The following RBBP7 variants were observed in gnomAD, a reference collection of about 807,000 sequenced individuals.
RBBP7 encodes the protein RB binding protein 7, chromatin remodeling factor.
Under a neutral mutation model 35.2 loss-of-function variants are expected in RBBP7, and 5 were observed. The observed-to-expected ratio is 0.14, with a 90% CI of 0.07 to 0.30. The LOEUF is 0.30. Among genes scored for constraint, RBBP7 ranks in the 10% least tolerant of loss-of-function variants. RBBP7 has a pLI of 1.00. For missense variants in RBBP7, 155 were observed against 327.5 expected, an observed-to-expected ratio of 0.47 and a Z score of 4.07; for synonymous variants, 140 against 118.7, an observed-to-expected ratio of 1.18 and a Z score of -1.17.
chrX:16,858,377 G>A (rs1244937865), intron 4 of RBBP7, among the ~76,000 whole-genome samples: 1 of 111,654 alleles, frequency 9.0e-6, no homozygotes, highest in African/African-American at 3.3e-5. Flanking sequence ...CATGTCCCAC[G>A]TGGCCCTGGA....
chrX:16,869,566 G>A, intron 1 of RBBP7: 1 of 1,166,731 alleles, frequency 8.6e-7, no homozygotes, highest in Non-Finnish European at 1.1e-6. Flanking sequence ...ACGTGTAGCA[G>A]AAGCCCACAG....
At position 16,845,086 on chromosome X, in the gene RBBP7, A is replaced by G. The variant is rs1930039140; in HGVS notation, c.1227T>C (p.Asn409=). Reference sequence around the variant, plus strand: ...ATGTCGTGACATCTGACTCTTCATCATTGTAAATATTTTCAGCCTGGAGAT... The same window carrying G: ...ATGTCGTGACATCTGACTCTTCATCGTTGTAAATATTTTCAGCCTGGAGAT... ...QIWQMAENIY[N]DEESDVTTSE... is the part of the protein sequence containing the mutation. The change falls in exon 12 of 12, where the codon AAT becomes AAC. Residue 409 remains asparagine, a synonymous_variant. Coordinates refer to ENST00000380087, the MANE Select transcript of RBBP7 (RefSeq NM_002893.4). 5.8e-6 allele frequency: 7 copies of G among 1,206,392 alleles called. No individual in the cohort carries two copies. The Middle Eastern group carries it at 6.9e-4, about 118-fold the overall frequency.
chrX:16,862,663 G>A (rs1296318199), intron 3 of RBBP7, among the ~76,000 whole-genome samples: 1 of 111,464 alleles, frequency 9.0e-6, no homozygotes, highest in Admixed American at 9.5e-5. Context: ...GATTATAGGC[G>A]TGAGCCATGG....
chrX:16,857,752 G>A, intron 4 of RBBP7, 43 bp from the exon 5 acceptor site: 1 of 1,175,640 alleles, frequency 8.5e-7, no homozygotes, highest in East Asian at 3.1e-5. Context: ...CTGTTTATCA[G>A]AACTGGTGAG....
At chrX:16,862,109 AT>A (rs1344440539) in intron 3 of RBBP7, among the ~76,000 whole-genome samples, 1 of 111,144 alleles carries the variant, frequency 9.0e-6, no homozygotes, top group East Asian at 2.8e-4. Flanking sequence ...TATTTCACAC[AT>A]GTCCCTGCAG....
intron 3 of RBBP7, among the ~76,000 whole-genome samples, chrX:16,860,232 C>T (rs1186135005): frequency 1.2e-5 from 1 of 85,287 alleles, no homozygotes; most frequent in Non-Finnish European, 2.1e-5. Flanking sequence ...ACTCAAGTTT[C>T]CTGATTCCTT....
At chrX:16,849,102 A>C (rs892177140) in intron 10 of RBBP7, 142 bp downstream of exon 10, 1 of 439,633 alleles carries the variant, frequency 2.3e-6, no homozygotes, top group Non-Finnish European at 3.7e-6. Flanking sequence ...GTCAAAGCCC[A>C]GTTGCAATAA....
At chrX:16,860,673 C>T (rs1469200914) in intron 3 of RBBP7, among the ~76,000 whole-genome samples, 31 of 81,899 alleles carry the variant, frequency 3.8e-4, no homozygotes, top group African/African-American at 1.1e-3. Flanking sequence ...AACTTCGTCT[C>T]GAAAAAAAAA....
intron 6 of RBBP7, chrX:16,853,166 G>A (rs868306991): frequency 7.7e-5 from 21 of 274,266 alleles, no homozygotes; most frequent in Non-Finnish European, 4.4e-5. Context: ...GTCACAATCT[G>A]ATACCTAAAA....
At chrX:16,862,561 A>T (rs1466466407) in intron 3 of RBBP7, among the ~76,000 whole-genome samples, 2 of 110,647 alleles carry the variant, frequency 1.8e-5, no homozygotes, top group Non-Finnish European at 3.8e-5. Flanking sequence ...TTTTTTTTAA[A>T]TTTTTGGTAG....
intron 10 of RBBP7, chrX:16,847,539 C>G (rs1382348760): frequency 4.6e-5 from 5 of 109,515 alleles, no homozygotes; most frequent in African/African-American, 1.3e-4. Flanking sequence ...TCAAAGCATA[C>G]TGGTGGAATA....
At chrX:16,857,812 G>C (rs767796862) in intron 4 of RBBP7, 103 bp from the exon 5 acceptor site, 2 of 1,070,625 alleles carry the variant, frequency 1.9e-6, no homozygotes, top group African/African-American at 1.9e-5. Flanking sequence ...AACTGCACAC[G>C]AACGAGATCT....
rs1182317473 is a variant in RBBP7 at position 16,844,517 on chromosome X, T to C, written c.*518A>G. ...ATTAAGTAAATATGTATGATAAACT[T>C]AACAGCTTCTGTGTATTCTTTCATT... On this transcript the variant is annotated 3_prime_UTR_variant, in exon 12 of 12. Transcript: ENST00000380087. 1 of 111,607 alleles carries C rather than the reference T, an allele frequency of 9.0e-6. No homozygotes were observed. The highest frequency in any genetic ancestry group is 2.8e-4 in the East Asian group (1 of 3,570). 9.2% of individuals were successfully genotyped at this position (111,607 alleles called of 1,213,427 possible).
At chrX:16,852,186 G>A in intron 8 of RBBP7, 64 bp from the exon 9 acceptor site, 1 of 937,001 alleles carries the variant, frequency 1.1e-6, no homozygotes, top group Non-Finnish European at 1.5e-6. Context: ...TGTGGCTGTT[G>A]TTCTAATCTG....
In RBBP7 at chrX:16,863,953, G is replaced by C. The variant is rs5924563; in HGVS notation, c.162-853C>G. ...CTTCAATGAAGAGGACTGAGAAGTA[G>C]GGGTCTAGGCCCTAACACAAGACAA... On this transcript the variant is annotated intron_variant, in intron 2 of 11. Coordinates refer to ENST00000380087, the MANE Select transcript of RBBP7 (RefSeq NM_002893.4). Among the ~76,000 whole-genome samples, 521 of 111,219 alleles carry C rather than the reference G, an allele frequency of 4.7e-3. 1 individual carries two copies. The highest frequency in any genetic ancestry group is 7.0e-3 in the Non-Finnish European group (371 of 53,033).
intron 2 of RBBP7, among the ~76,000 whole-genome samples, chrX:16,864,016 A>G (rs1036418705): frequency 3.6e-5 from 4 of 109,709 alleles, no homozygotes; most frequent in African/African-American, 1.4e-4. Flanking sequence ...TCAGCTGCAC[A>G]AAGGATTCAA....
intron 5 of RBBP7, among the ~76,000 whole-genome samples, chrX:16,857,278 A>T (rs1930374499): frequency 1.8e-5 from 2 of 112,003 alleles, no homozygotes; most frequent in African/African-American, 3.2e-5. Context: ...CACTTAAAAA[A>T]TACTTTATAT....
In RBBP7 at chrX:16,856,748, T is replaced by G. The variant is rs752808792; in HGVS notation, c.597+846A>C. ...TGGAAAGCCACTTTGGAAAACAGTT[T>G]GGTAATTCTTCAAAAAATTAAACAG... On this transcript the variant is annotated intron_variant, in intron 5 of 11. Coordinates refer to ENST00000380087, the MANE Select transcript of RBBP7 (RefSeq NM_002893.4). 3.6e-5 allele frequency among the ~76,000 whole-genome samples: 4 copies of G among 111,969 alleles called. No individual in the cohort carries two copies. The South Asian group carries it at 1.1e-3, about 31-fold the overall frequency.
intron 2 of RBBP7, among the ~76,000 whole-genome samples, chrX:16,866,575 A>AAAGAAAGC (rs1569063945): frequency 4.0e-5 from 4 of 101,182 alleles, no homozygotes; most frequent in African/African-American, 1.6e-4. Context: ...AGAAAGCAAG[A>AAAGAAAGC]AAGCAAGAAA....
Sources: gnomAD v4.1 joint callset for allele counts (sites outside exome capture counted in the v4.1 genomes callset) on GRCh38, gnomAD v4.1.1 for gene constraint, MANE v1.5 for transcripts, NCBI Gene and HGNC (gene_info 2026-07-23, HGNC 2026-07-21) for gene names.